The following CTNNA3 variants were observed in gnomAD, a reference collection of about 807,000 sequenced individuals.
CTNNA3 encodes the protein catenin alpha-3.
Under a neutral mutation model 95.7 loss-of-function variants are expected in CTNNA3, and 76 were observed. The observed-to-expected ratio is 0.79, with a 90% confidence interval of 0.66 to 0.96. CTNNA3 has a LOEUF of 0.96. Among genes scored for constraint, CTNNA3 ranks in the 40% least tolerant of loss-of-function variants. The probability of loss-of-function intolerance (pLI) is 0.00; values close to 1 mark genes in which losing one functional copy is unlikely to be tolerated. For synonymous variants in CTNNA3, 431 were observed against 374.4 expected (o/e 1.15, Z -1.74); for missense variants, 1,191 against 1,089.8 (o/e 1.09, Z -1.31).
chr10:66,585,433 G>A (rs1056303363), intron 10 of CTNNA3, among the ~76,000 whole-genome samples: 1 of 151,444 alleles, frequency 6.6e-6, no homozygotes, highest in Non-Finnish European at 1.5e-5. Flanking sequence ...TAATTTGAAA[G>A]CCTTGTTTTT....
intron 10 of CTNNA3, among the ~76,000 whole-genome samples, chr10:66,542,853 G>A (rs959972555): frequency 1.8e-4 from 28 of 151,920 alleles, no homozygotes; most frequent in Non-Finnish European, 3.4e-4. Context: ...AAGCCTGCAC[G>A]TTGTGCACAT....
In CTNNA3 at chr10:66,378,479, C is replaced by T. The variant is rs548620638; in HGVS notation, c.1732+673G>A. Among the ~76,000 whole-genome samples the T allele has an allele frequency of 6.6e-5, 10 of 152,200 alleles. No individual in the cohort carries two copies. In the South Asian group the frequency reaches 2.1e-3, roughly 32 times the overall value. On this transcript the variant is annotated intron_variant, in intron 12 of 17. Coordinates refer to ENST00000433211, the MANE Select transcript of CTNNA3 (RefSeq NM_013266.4). ...ATGACTTATAAAAATAGTTGATTGTCCTCATTGTTTTTGAATCCATATGAA... is the reference window on the plus strand; with the variant it reads ...ATGACTTATAAAAATAGTTGATTGTTCTCATTGTTTTTGAATCCATATGAA...
chr10:67,416,540 G>A (rs918632301), intron 5 of CTNNA3, among the ~76,000 whole-genome samples: 11 of 150,012 alleles, frequency 7.3e-5, no homozygotes, highest in Admixed American at 1.3e-4. Flanking sequence ...CCCGGGGGGC[G>A]GAGCTTGCAG....
At chr10:67,480,929 T>A (rs1160037354) in intron 5 of CTNNA3, among the ~76,000 whole-genome samples, 1 of 152,168 alleles carries the variant, frequency 6.6e-6, no homozygotes, top group Admixed American at 6.5e-5. Context: ...TAAGCTTTAT[T>A]CTAGGGACGC....
At chr10:66,596,658 T>C (rs2132244668) in intron 10 of CTNNA3, among the ~76,000 whole-genome samples, 1 of 152,058 alleles carries the variant, frequency 6.6e-6, no homozygotes, top group East Asian at 1.9e-4. Flanking sequence ...CCCCAAAATC[T>C]CCAACGGGGC....
At chr10:67,277,428 A>G (rs931098900) in intron 5 of CTNNA3, among the ~76,000 whole-genome samples, 1 of 152,202 alleles carries the variant, frequency 6.6e-6, no homozygotes, top group Non-Finnish European at 1.5e-5. Flanking sequence ...AAGCTGGGGA[A>G]GGTGAATGCT....
At chr10:67,222,569 C>T (rs377537894) in intron 5 of CTNNA3, among the ~76,000 whole-genome samples, 1 of 152,150 alleles carries the variant, frequency 6.6e-6, no homozygotes, top group Non-Finnish European at 1.5e-5. Context: ...TGTTTCTGTA[C>T]TGATAATCTT....
rs116976848 is a variant in CTNNA3, at chr10:66,640,255, G to A, written c.1282-18471C>T. Among the ~76,000 whole-genome samples, 344 of 152,112 alleles carry A rather than the reference G, an allele frequency of 2.3e-3. 3 individuals carry two copies. The highest frequency in any genetic ancestry group is 6.8e-3 in the Middle Eastern group (2 of 294). Reference sequence around the variant, plus strand: ...GGATACATCCATCTTTCAGCTGCTGGGGATAACTGCTATTGACCACTCATG... The same window carrying A: ...GGATACATCCATCTTTCAGCTGCTGAGGATAACTGCTATTGACCACTCATG... On this transcript the variant is annotated intron_variant, in intron 9 of 17. Coordinates refer to ENST00000433211, the MANE Select transcript of CTNNA3 (RefSeq NM_013266.4).
At chr10:67,358,506 C>T (rs778817726) in intron 5 of CTNNA3, among the ~76,000 whole-genome samples, 18 of 152,056 alleles carry the variant, frequency 1.2e-4, no homozygotes, top group Non-Finnish European at 2.1e-4. Context: ...AGCTAGGAAG[C>T]CTACATAGAG....
At chr10:66,857,174 C>A (rs1045877399) in intron 7 of CTNNA3, among the ~76,000 whole-genome samples, 2 of 151,960 alleles carry the variant, frequency 1.3e-5, no homozygotes, top group African/African-American at 4.8e-5. Flanking sequence ...TACCTCATTG[C>A]TTGTTTTTGT....
chr10:66,738,860 C>T (rs112315917), intron 9 of CTNNA3, among the ~76,000 whole-genome samples: 54 of 152,204 alleles, frequency 3.5e-4, no homozygotes, highest in African/African-American at 1.1e-3. Context: ...TTCTATTTCC[C>T]GCACTACTGG....
At chr10:66,273,256 A>C (rs2091321163) in intron 13 of CTNNA3, among the ~76,000 whole-genome samples, 1 of 152,162 alleles carries the variant, frequency 6.6e-6, no homozygotes, top group Admixed American at 6.5e-5. Flanking sequence ...GAACTGCAAT[A>C]CTATATGACT....
chr10:66,371,915 A>G (rs941857517), intron 12 of CTNNA3, among the ~76,000 whole-genome samples: 1 of 152,150 alleles, frequency 6.6e-6, no homozygotes, highest in African/African-American at 2.4e-5. Flanking sequence ...GGGATATTTT[A>G]TGATTTATTC....
chr10:67,656,316 T>G (rs1418586680), intron 1 of CTNNA3, among the ~76,000 whole-genome samples: 2 of 152,208 alleles, frequency 1.3e-5, no homozygotes, highest in African/African-American at 4.8e-5. Flanking sequence ...TTTACAAATA[T>G]TTTTGATGTG....
At chr10:66,605,699 A>G (rs903595142) in intron 10 of CTNNA3, among the ~76,000 whole-genome samples, 81 of 152,274 alleles carry the variant, frequency 5.3e-4, no homozygotes, top group Non-Finnish European at 8.8e-5. Context: ...TTTCATATCC[A>G]GCCAAACTAA....
chr10:67,533,598 A>C (rs1226148544), intron 4 of CTNNA3, among the ~76,000 whole-genome samples: 1 of 152,164 alleles, frequency 6.6e-6, no homozygotes, highest in Non-Finnish European at 1.5e-5. Context: ...AAGAACACAC[A>C]CATTTCCTTA....
rs186142550 is a variant in CTNNA3, at chr10:67,650,386, A to G, written c.-5-2868T>C. Among the ~76,000 whole-genome samples the G allele has an allele frequency of 3.4e-4, 52 of 152,352 alleles. No homozygotes were observed. In the East Asian group the frequency reaches 6.7e-3, roughly 20 times the overall value. Reference sequence around the variant, plus strand: ...TTTATAAATAAAGTAAGAAAAGTACAGATTTGGAGAGAGACTATAACAAAA... The same window carrying G: ...TTTATAAATAAAGTAAGAAAAGTACGGATTTGGAGAGAGACTATAACAAAA... On this transcript the variant is annotated intron_variant, in intron 1 of 17. Coordinates refer to ENST00000433211, the MANE Select transcript of CTNNA3 (RefSeq NM_013266.4).
At chr10:66,565,400 A>G (rs1056260905) in intron 10 of CTNNA3, among the ~76,000 whole-genome samples, 1 of 152,194 alleles carries the variant, frequency 6.6e-6, no homozygotes, top group Non-Finnish European at 1.5e-5. Context: ...GTGGGAACTG[A>G]GAGATGAGGG....
At chr10:66,425,820 A>C (rs1371779572) in intron 11 of CTNNA3, among the ~76,000 whole-genome samples, 1 of 151,984 alleles carries the variant, frequency 6.6e-6, no homozygotes, top group African/African-American at 2.4e-5. Context: ...AACCAACCAC[A>C]CATATGGAAC....
Sources: allele counts gnomAD v4.1 joint callset (sites outside exome capture counted in the v4.1 genomes callset), GRCh38; gene constraint gnomAD v4.1.1; transcripts MANE v1.5; gene names NCBI Gene and HGNC (gene_info 2026-07-23, HGNC 2026-07-21).